SGSM2: variants seen among roughly 807,000 people sequenced by gnomAD.
The protein encoded by SGSM2 is small G protein signaling modulator 2, also known as RUN and TBC1 domain containing 1.
Under a neutral mutation model 126.6 loss-of-function variants are expected in SGSM2, and 89 were observed. The ratio of observed to expected loss-of-function variants is 0.70; its 90% confidence interval spans 0.59 to 0.84. The LOEUF (loss-of-function observed/expected upper bound fraction) is 0.84. SGSM2 is among the 40% of genes least tolerant of loss of function. The probability of loss-of-function intolerance (pLI) is 0.00; values close to 1 mark genes in which losing one functional copy is unlikely to be tolerated. For synonymous variants in SGSM2, 614 were observed against 574.3 expected (o/e 1.07, Z -0.99); for missense variants, 1,404 against 1,416.6 (o/e 0.99, Z 0.14).
chr17:2,380,500 C>G lies in SGSM2; in HGVS notation c.*980C>G, dbSNP rs1316117172. 10 of 622,824 alleles carry G rather than the reference C, an allele frequency of 1.6e-5. No individual in the cohort carries two copies. Among genetic ancestry groups the G allele is most frequent in the Non-Finnish European group, 2.9e-5 (10 of 349,228 alleles). The allele number at this position is 622,824 out of a possible 1,614,324, so 38.6% of individuals were successfully genotyped here. A position where few individuals can be genotyped will look rare whatever the true frequency, so the allele number is the denominator to read the frequency against. ...GGATGCATGGGTGTCCCCATCTGTC[C>G]CTGGTGAGAAGCAAGGCTAGCTCTG... is the stretch of plus-strand genomic sequence containing the variant. On this transcript the variant is annotated 3_prime_UTR_variant, in exon 24 of 24. Coordinates refer to ENST00000268989, the MANE Select transcript of SGSM2 (RefSeq NM_014853.3).
Position 2,380,292 on chromosome 17 carries a change from A to T in SGSM2, c.*772A>T. On this transcript the variant is annotated 3_prime_UTR_variant, in exon 24 of 24. Transcript: ENST00000268989. ...ACTTCCCTGAAAACCACGTGTAAGA[A>T]GTGATGCTTTTGCCAGTGGATGATC... 1.3e-6 allele frequency: 2 copies of T among 1,535,970 alleles called. No homozygotes were observed. Among genetic ancestry groups the T allele is most frequent in the Non-Finnish European group, 1.7e-6 (2 of 1,146,902 alleles).
chr17:2,379,766 C>T lies in SGSM2; in HGVS notation c.*246C>T, dbSNP rs1319998589. 1.1e-5 allele frequency: 15 copies of T among 1,385,424 alleles called. No individual in the cohort carries two copies. The East Asian group carries it at 3.9e-4, about 36-fold the overall frequency. The allele number at this position is 1,385,424 out of a possible 1,614,324, so 85.8% of individuals were successfully genotyped here. A position where few individuals can be genotyped will look rare whatever the true frequency, so the allele number is the denominator to read the frequency against. ...CAGGGAGCAGCTGCCTTGGGGGACA[C>T]ACCTACTCTGCTCCCCTCTCACACA... is the stretch of plus-strand genomic sequence containing the variant. On this transcript the variant is annotated 3_prime_UTR_variant, in exon 24 of 24. Coordinates refer to ENST00000268989, the MANE Select transcript of SGSM2 (RefSeq NM_014853.3).
At chr17:2,345,081 A>G (rs1263731922) in intron 2 of SGSM2, among the ~76,000 whole-genome samples, 1 of 152,184 alleles carries the variant, frequency 6.6e-6, no homozygotes. Context: ...TTTACAAGAC[A>G]CAGCCTGACC....
At chr17:2,360,453 C>T (rs77811437) in intron 2 of SGSM2, among the ~76,000 whole-genome samples, 2,509 of 152,312 alleles carry the variant, frequency 0.016, 64 homozygotes, top group African/African-American at 0.056. Context: ...CTGTCCCTGT[C>T]GGGGAGAGGT....
At position 2,363,708 on chromosome 17, in the gene SGSM2, G is replaced by A; in HGVS notation, c.807+109G>A. The A allele has an allele frequency of 6.9e-7, 1 of 1,451,422 alleles. No homozygotes were observed. Among genetic ancestry groups the A allele is most frequent in the Non-Finnish European group, 9.3e-7 (1 of 1,076,078 alleles). 89.9% of individuals were successfully genotyped at this position (1,451,422 alleles called of 1,614,324 possible). On this transcript the variant is annotated intron_variant, in intron 7 of 23. Coordinates refer to ENST00000268989, the MANE Select transcript of SGSM2 (RefSeq NM_014853.3). The surrounding 1 kb of genome is among the most constrained non-coding windows in gnomAD (Gnocchi z 4.2). ...CTGAGGAGCTTGACCAGAGACGGGG[G>A]GGAGAATGGCCCCAGCCTCCCAACT...
At chr17:2,364,448 CAG>C (rs1350781480) in intron 8 of SGSM2, 146 bp from the exon 9 acceptor site, 5 of 907,384 alleles carry the variant, frequency 5.5e-6, no homozygotes, top group East Asian at 2.6e-5. Context: ...GCACAGATCT[CAG>C]GGGTCATGGC....
In SGSM2 at chr17:2,375,719, C is replaced by T. The variant is rs780804367; in HGVS notation, c.2328C>T (p.Phe776=). ...SSLDEGQSVG[F]EEEDGGGEEG... The stretch of plus-strand genomic sequence containing the variant: ...TAGATGAGGGGCAGAGCGTGGGCTT[C>T]GAAGAGGAGGACGGCGGTGGGGAGG... The change falls in exon 18 of 24, where the codon TTC becomes TTT. Residue 776 remains phenylalanine (F), a synonymous_variant. Transcript: ENST00000268989. 5.0e-6 allele frequency: 8 copies of T among 1,610,634 alleles called. No individual in the cohort carries two copies. Among genetic ancestry groups the T allele is most frequent in the South Asian group, 4.4e-5 (4 of 91,010 alleles).
intron 17 of SGSM2, chr17:2,373,733 G>A: frequency 1.8e-6 from 1 of 560,072 alleles, no homozygotes; most frequent in Non-Finnish European, 3.2e-6. Context: ...AGTGCATTGT[G>A]CTCAGTTTTA....
At chr17:2,374,594 A>T (rs1423906177) in intron 17 of SGSM2, 1 of 152,208 alleles carries the variant, frequency 6.6e-6, no homozygotes, top group Non-Finnish European at 1.5e-5. Context: ...TAAAATAAAA[A>T]AAAAGAAATA....
chr17:2,365,034 C>G lies in SGSM2; in HGVS notation c.1138C>G (p.Pro380Ala). Residue 380 changes from proline (P) to alanine (A), a missense_variant, in exon 10 of 24, where the codon CCG becomes GCG. Coordinates refer to ENST00000268989, the MANE Select transcript of SGSM2 (RefSeq NM_014853.3). The stretch of plus-strand genomic sequence containing the variant: ...GCTGCCTCGGGGACAGCTAGAGCCC[C>G]CGCTGTGGACCCAGCAAGGGAAGGT... ...GLLPRGQLEP[P>A]LWTQQGKGKV... The G allele has an allele frequency of 6.2e-7, 1 of 1,613,236 alleles. No individual in the cohort carries two copies. Among genetic ancestry groups the G allele is most frequent in the Non-Finnish European group, 8.5e-7 (1 of 1,179,872 alleles).
chr17:2,377,483 C>CAA (rs11339431), intron 21 of SGSM2: 140 of 112,460 alleles, frequency 1.2e-3, no homozygotes, highest in Admixed American at 3.2e-3. Context: ...GACTCTGTCT[C>CAA]AAAAAAAAAA....
intron 7 of SGSM2, 31 bp from the exon 8 acceptor site, chr17:2,364,028 A>C (rs777701296): frequency 6.2e-7 from 1 of 1,613,660 alleles, no homozygotes; most frequent in Non-Finnish European, 8.5e-7. Context: ...TCAGCCCTTC[A>C]TCGTCGGTCT....
intron 2 of SGSM2, among the ~76,000 whole-genome samples, chr17:2,344,730 G>A (rs1434590151): frequency 3.3e-5 from 5 of 152,162 alleles, no homozygotes; most frequent in East Asian, 3.8e-4. Flanking sequence ...GAGGGCAGTC[G>A]GAGAGGCAGC....
intron 2 of SGSM2, among the ~76,000 whole-genome samples, chr17:2,353,671 A>G (rs59041922): frequency 6.6e-6 from 1 of 152,062 alleles, no homozygotes; most frequent in Non-Finnish European, 1.5e-5. Context: ...AGGCTGAGGT[A>G]GGAGGATCAC....
intron 19 of SGSM2, 79 bp downstream of exon 19, chr17:2,376,340 G>T (rs965480001): frequency 1.9e-6 from 3 of 1,575,874 alleles, no homozygotes; most frequent in African/African-American, 1.3e-5. Flanking sequence ...TCCGGAAGGT[G>T]CCCTGCTCCT....
rs200991357 is a variant in SGSM2, at chr17:2,379,088, G to A, written c.2952G>A (p.Arg984=). The change falls in exon 23 of 24, where the codon AGG becomes AGA. Residue 984 remains arginine, a synonymous_variant. Coordinates refer to ENST00000268989, the MANE Select transcript of SGSM2 (RefSeq NM_014853.3). ...TGTGGGAGGTGATCTGGGCAGCCAG[G>A]CACATCTCATCGGAGCACTTTGTCC... ...FAVWEVIWAA[R]HISSEHFVLF... 6.2e-7 allele frequency: 1 copy of A among 1,614,102 alleles called. No individual in the cohort carries two copies. Among genetic ancestry groups the A allele is most frequent in the Non-Finnish European group, 8.5e-7 (1 of 1,180,034 alleles).
chr17:2,351,110 G>A (rs1055835188), intron 2 of SGSM2, among the ~76,000 whole-genome samples: 2 of 152,110 alleles, frequency 1.3e-5, no homozygotes, highest in African/African-American at 4.8e-5. Context: ...AAAATTAGCC[G>A]GCCATGATGG....
At position 2,379,601 on chromosome 17, in the gene SGSM2, C is replaced by T. The variant is rs1012983459; in HGVS notation, c.*81C>T. 5 of 1,546,124 alleles carry T rather than the reference C, an allele frequency of 3.2e-6. No individual in the cohort carries two copies. In the African/African-American group the frequency reaches 6.8e-5, roughly 21 times the overall value. ...CAGGGGAGTCACCGCCCAGACCTCC[C>T]CAGCCACCAACCGACCCCACCTCTG... On this transcript the variant is annotated 3_prime_UTR_variant, in exon 24 of 24. Coordinates refer to ENST00000268989, the MANE Select transcript of SGSM2 (RefSeq NM_014853.3).
rs1175236200 is a variant in SGSM2 at position 2,367,369 on chromosome 17, T to G, written c.1387T>G (p.Cys463Gly). 6.2e-7 allele frequency: 1 copy of G among 1,614,150 alleles called. No individual in the cohort carries two copies. The highest frequency in any genetic ancestry group is 1.7e-5 in the Admixed American group (1 of 60,028). Residue 463 changes from cysteine to glycine, a missense_variant, in exon 12 of 24, where the codon TGC becomes GGC. Transcript: ENST00000268989. This position sits in a 1 kb window ranked among gnomAD's most constrained non-coding sequence, Gnocchi z 4.0. ...ACTGCACGCGATGCTCTCAATGATC[T>G]GCTCGCGGAACCTCACAGCTCCCAA... is the stretch of plus-strand genomic sequence containing the variant. ...DKLHAMLSMI[C>G]SRNLTAPNPM... is the part of the protein sequence containing the mutation.
Sources: allele counts gnomAD v4.1 joint callset (sites outside exome capture counted in the v4.1 genomes callset), GRCh38; gene constraint gnomAD v4.1.1; non-coding constraint Gnocchi (gnomAD v3.1); transcripts MANE v1.5; gene names NCBI Gene and HGNC (gene_info 2026-07-23, HGNC 2026-07-21).